The following ANXA2 variants were observed in gnomAD, a reference collection of about 807,000 sequenced individuals.
The protein encoded by ANXA2 is annexin II.
Under a neutral mutation model 47.3 loss-of-function variants are expected in ANXA2, and 28 were observed. The ratio of observed to expected loss-of-function variants is 0.59; its 90% CI spans 0.44 to 0.81. ANXA2 has a LOEUF of 0.81. Among genes scored for constraint, ANXA2 ranks in the 40% least tolerant of loss-of-function variants. The probability of loss-of-function intolerance (pLI) is 0.00; values close to 1 mark genes in which losing one functional copy is unlikely to be tolerated. For synonymous variants in ANXA2, 172 were observed against 155.5 expected (o/e 1.11, Z -0.79); for missense variants, 384 against 414.3 (o/e 0.93, Z 0.64).
At chr15:60,368,588 G>A (rs2062670337) in intron 3 of ANXA2, among the ~76,000 whole-genome samples, 1 of 151,250 alleles carries the variant, frequency 6.6e-6, no homozygotes, top group African/African-American at 2.4e-5. Context: ...AGGTTGCAAA[G>A]CAGTATGCTC....
In ANXA2 at chr15:60,361,021, C is replaced by T. The variant is rs2062504878; in HGVS notation, c.277G>A (p.Gly93Ser). 1.2e-6 allele frequency: 2 copies of T among 1,613,568 alleles called. No homozygotes were observed. Among genetic ancestry groups the T allele is most frequent in the East Asian group, 4.5e-5 (2 of 44,876 alleles). The change falls in exon 5 of 13, where the codon GGC (glycine) becomes AGC (serine). Residue 93 changes from glycine to serine, a missense_variant. Transcript: ENST00000451270. ...CCCAAAATCACCGTCTCCAGGTGGC[C>T]AGATAAGGCTGACTTCAGTGCTGAT... Reference protein sequence around the residue: ...LASALKSALSGHLETVILGLL... With the variant: ...LASALKSALSSHLETVILGLL...
At chr15:60,350,718 A>T (rs771906874) in intron 11 of ANXA2, among the ~76,000 whole-genome samples, 12 of 152,156 alleles carry the variant, frequency 7.9e-5, no homozygotes, top group Non-Finnish European at 1.3e-4. Flanking sequence ...CTGTCTGTGT[A>T]ACTTCAAGCA....
At chr15:60,353,066 A>G (rs1011186323) in intron 8 of ANXA2, among the ~76,000 whole-genome samples, 7 of 152,200 alleles carry the variant, frequency 4.6e-5, no homozygotes, top group African/African-American at 1.7e-4. Flanking sequence ...AGGAACTGCA[A>G]AACCCAACTT....
At chr15:60,380,659 C>A (rs1240476038) in intron 3 of ANXA2, among the ~76,000 whole-genome samples, 1 of 151,630 alleles carries the variant, frequency 6.6e-6, no homozygotes, top group African/African-American at 2.4e-5. Context: ...AGAAAATTAG[C>A]TGGGCATGGT....
Position 60,397,926 on chromosome 15 carries a change from G to C in ANXA2, c.-12+17C>G. ...GCTGGCGGCCCATCGCGGGCGGGCA[G>C]GGCGCGCCCCGCTTACCTGGGCCGT... On this transcript the variant is annotated intron_variant, in intron 1 of 12. Transcript: ENST00000451270. 7.5e-7 allele frequency: 1 copy of C among 1,326,564 alleles called. No homozygotes were observed. Among genetic ancestry groups the C allele is most frequent in the Non-Finnish European group, 9.6e-7 (1 of 1,037,460 alleles). 82.2% of individuals were successfully genotyped at this position (1,326,564 alleles called of 1,614,324 possible). A position where few individuals can be genotyped will look rare whatever the true frequency, so the allele number is the denominator to read the frequency against.
chr15:60,359,649 C>G (rs1481736186), intron 5 of ANXA2, among the ~76,000 whole-genome samples: 1 of 152,154 alleles, frequency 6.6e-6, no homozygotes, highest in African/African-American at 2.4e-5. Context: ...TTTGGAGATG[C>G]CCAGTGTCCG....
At chr15:60,360,403 GCATTGAGACTTCA>G (rs2140822879) in intron 5 of ANXA2, among the ~76,000 whole-genome samples, 1 of 152,286 alleles carries the variant, frequency 6.6e-6, no homozygotes, top group South Asian at 2.1e-4. Context: ...AAGATAACGT[GCATTGAGACTTCA>G]CAGTTACTTT....
chr15:60,350,942 G>A (rs1448116471), intron 11 of ANXA2, among the ~76,000 whole-genome samples: 1 of 152,186 alleles, frequency 6.6e-6, no homozygotes, highest in Non-Finnish European at 1.5e-5. Context: ...CGACTACCAT[G>A]TCGCATTTTC....
At chr15:60,354,402 G>A (rs184368341) in intron 7 of ANXA2, among the ~76,000 whole-genome samples, 189 bp from the exon 8 acceptor site, 26 of 152,268 alleles carry the variant, frequency 1.7e-4, no homozygotes, top group Non-Finnish European at 3.2e-4. Flanking sequence ...AGGACTTTGG[G>A]AAGCCAAGGC....
At chr15:60,351,431 C>T (rs1354526401) in intron 10 of ANXA2, 180 bp from the exon 11 acceptor site, 8 of 673,882 alleles carry the variant, frequency 1.2e-5, no homozygotes, top group East Asian at 5.4e-5. Context: ...AGTTCCACCA[C>T]GGTTTTAAAC....
chr15:60,350,530 T>C (rs1895961501), intron 11 of ANXA2, among the ~76,000 whole-genome samples: 1 of 152,160 alleles, frequency 6.6e-6, no homozygotes, highest in Non-Finnish European at 1.5e-5. Context: ...CAAAGACAGA[T>C]GGCAGAGGCA....
At chr15:60,362,888 T>C (rs924743527) in intron 4 of ANXA2, 4 of 151,860 alleles carry the variant, frequency 2.6e-5, no homozygotes, top group Admixed American at 2.6e-4. Flanking sequence ...AAGATCTAGG[T>C]TTTGGGTGTG....
chr15:60,361,918 T>C (rs1315550159), intron 4 of ANXA2, among the ~76,000 whole-genome samples: 4 of 151,994 alleles, frequency 2.6e-5, no homozygotes, highest in Non-Finnish European at 4.4e-5. Flanking sequence ...TTTTTTTTTT[T>C]CTTCTCTCTC....
chr15:60,355,818 GCA>G (rs2062420400), intron 7 of ANXA2, 99 bp downstream of exon 7: 1 of 999,352 alleles, frequency 1.0e-6, no homozygotes, highest in African/African-American at 1.6e-5. Flanking sequence ...AATTTCTGAT[GCA>G]GGCACAGGGG....
intron 2 of ANXA2, chr15:60,383,569 TCTTATAGTTTTCCCTCTCCCTG>T (rs2140914521): frequency 6.6e-6 from 1 of 152,368 alleles, no homozygotes; most frequent in African/African-American, 2.4e-5. Flanking sequence ...TTTGAAATGC[TCTTATAGTTTTCCCTCTCCCTG>T]CTACCCAGTC....
At chr15:60,365,054 T>G (rs12899664) in intron 3 of ANXA2, among the ~76,000 whole-genome samples, 2 of 147,376 alleles carry the variant, frequency 1.4e-5, no homozygotes, top group African/African-American at 2.5e-5. Flanking sequence ...ACGGCAGTTG[T>G]ATTTTTAATA....
intron 3 of ANXA2, among the ~76,000 whole-genome samples, chr15:60,373,470 C>A (rs1237146559): frequency 6.6e-6 from 1 of 152,192 alleles, no homozygotes; most frequent in Non-Finnish European, 1.5e-5. Flanking sequence ...CCCAAAAGCA[C>A]CTTCAGCCAG....
At chr15:60,390,335 C>T in intron 1 of ANXA2, 2 of 879,908 alleles carry the variant, frequency 2.3e-6, no homozygotes, top group African/African-American at 1.8e-5. Flanking sequence ...TAAAATATGG[C>T]CACTTTCCTC....
intron 2 of ANXA2, chr15:60,383,660 G>C (rs895471778): frequency 2.6e-5 from 4 of 152,258 alleles, no homozygotes; most frequent in African/African-American, 9.7e-5. Context: ...CTGATGGCTG[G>C]TGGAGGCAGC....
Sources: gnomAD v4.1 joint callset for allele counts (sites outside exome capture counted in the v4.1 genomes callset) on GRCh38, gnomAD v4.1.1 for gene constraint, MANE v1.5 for transcripts, NCBI Gene and HGNC (gene_info 2026-07-23, HGNC 2026-07-21) for gene names.